Variants in VWA5B1 observed in about 807,000 individuals in gnomAD.
VWA5B1 encodes von Willebrand factor A domain containing 5B1, also known as von Willebrand factor A domain-containing protein 5B1.
In VWA5B1, 115 loss-of-function variants were observed where a neutral mutation model predicts 118.2. The ratio of observed to expected loss-of-function variants is 0.97; its 90% CI spans 0.84 to 1.14. The LOEUF (loss-of-function observed/expected upper bound fraction) is 1.14, where lower values mean the gene tolerates loss of function less well. VWA5B1 is among the 50% of genes most tolerant of loss of function. The pLI is 0.00. For missense variants in VWA5B1, 1,596 were observed against 1,603.8 expected (o/e 1.00, Z 0.08); for synonymous variants, 682 against 658.4 (o/e 1.04, Z -0.55).
chr1:20,331,738 G>C (rs1165217530), intron 11 of VWA5B1, among the ~76,000 whole-genome samples: 1 of 152,080 alleles, frequency 6.6e-6, no homozygotes, highest in East Asian at 1.9e-4. Flanking sequence ...CTTCCAGGGA[G>C]AGAGATGGTC....
intron 5 of VWA5B1, 52 bp downstream of exon 5, chr1:20,317,727 A>G: frequency 1.7e-6 from 2 of 1,162,970 alleles, no homozygotes; most frequent in Non-Finnish European, 2.5e-6. Context: ...GAAAAGCCAA[A>G]GGCTGCCAGG....
chr1:20,343,314 G>A lies in VWA5B1; in HGVS notation c.2547G>A (p.Glu849=). ...CGCAGGATGCCGACCTATGGAGCGA[G>A]ACCTTCCACCACCTGGCGGCCCGCG... ...GGAQDADLWS[E]TFHHLAARAI... is the part of the protein sequence containing the mutation. The change falls in exon 16 of 22, where the codon GAG becomes GAA. Residue 849 remains glutamate, a synonymous_variant. Coordinates refer to ENST00000289815, the MANE Select transcript of VWA5B1 (RefSeq NM_001039500.3). 1 of 1,545,946 alleles carries A rather than the reference G, an allele frequency of 6.5e-7. No homozygotes were observed. The highest frequency in any genetic ancestry group is 1.2e-5 in the South Asian group (1 of 84,020).
chr1:20,323,464 C>T lies in VWA5B1; in HGVS notation c.1075C>T (p.His359Tyr). Reference sequence around the variant, plus strand: ...AGTCCAGCCGTGCCTGAGAAAGGCCCACGGGGAGTTCATCTTCCTCATTGA... The same window carrying T: ...AGTCCAGCCGTGCCTGAGAAAGGCCTACGGGGAGTTCATCTTCCTCATTGA... ...QSVQPCLRKA[H>Y]GEFIFLIDRS... Residue 359 changes from histidine to tyrosine, a missense_variant, in exon 8 of 22, where the codon CAC becomes TAC. Physicochemically the swap from His to Tyr is moderately conservative, Grantham distance 83 (BLOSUM62 2). Coordinates refer to ENST00000289815, the MANE Select transcript of VWA5B1 (RefSeq NM_001039500.3). 6.5e-7 allele frequency: 1 copy of T among 1,534,978 alleles called. No individual in the cohort carries two copies. Among genetic ancestry groups the T allele is most frequent in the Non-Finnish European group, 8.8e-7 (1 of 1,139,454 alleles).
At chr1:20,305,670 T>C (rs969352890) in intron 1 of VWA5B1, among the ~76,000 whole-genome samples, 2 of 151,000 alleles carry the variant, frequency 1.3e-5, no homozygotes, top group Non-Finnish European at 2.9e-5. Context: ...TTTGGAGAGG[T>C]GGGCAGTGGC....
chr1:20,339,350 T>A (rs1055358475), intron 14 of VWA5B1: 7 of 152,214 alleles, frequency 4.6e-5, no homozygotes, highest in Admixed American at 4.6e-4. Context: ...CAGACCAGCC[T>A]GGGCAACATG....
At chr1:20,293,032 C>A (rs1185268735) in intron 1 of VWA5B1, among the ~76,000 whole-genome samples, 1 of 152,200 alleles carries the variant, frequency 6.6e-6, no homozygotes, top group Non-Finnish European at 1.5e-5. Flanking sequence ...ACACAGCTCT[C>A]AGAAGGTGCT....
At chr1:20,320,078 AC>A (rs1326591558) in intron 7 of VWA5B1, among the ~76,000 whole-genome samples, 15 of 152,160 alleles carry the variant, frequency 9.9e-5, no homozygotes, top group African/African-American at 2.6e-4. Flanking sequence ...CACAAGTCAC[AC>A]CCCATGCTCT....
At chr1:20,344,324 TC>T (rs1282386962) in intron 16 of VWA5B1, among the ~76,000 whole-genome samples, 1 of 151,886 alleles carries the variant, frequency 6.6e-6, no homozygotes, top group Non-Finnish European at 1.5e-5. Flanking sequence ...TTCCTCCAAG[TC>T]CCCCAGTCCA....
intron 12 of VWA5B1, among the ~76,000 whole-genome samples, chr1:20,333,384 C>A (rs906578561): frequency 2.0e-5 from 3 of 152,090 alleles, no homozygotes; most frequent in African/African-American, 7.2e-5. Flanking sequence ...GGCTGAGGCA[C>A]GAGAATCACT....
chr1:20,292,109 C>T (rs1465931076), intron 1 of VWA5B1, among the ~76,000 whole-genome samples: 1 of 150,930 alleles, frequency 6.6e-6, no homozygotes, highest in Non-Finnish European at 1.5e-5. Context: ...CTTTTTCTTT[C>T]CCTCTGTCTC....
At position 20,343,392 on chromosome 1, in the gene VWA5B1, G is replaced by C; in HGVS notation, c.2625G>C (p.Gln875His). Reference sequence around the variant, plus strand: ...CGGAGCGCGAGGGCGAGATCGAGCAGGGTGAGCGCCACGGAACTGCGCCCC... The same window carrying C: ...CGGAGCGCGAGGGCGAGATCGAGCACGGTGAGCGCCACGGAACTGCGCCCC... ...QLAEREGEIEQGSNRRYQVSA... is the reference protein window; with the variant it reads ...QLAEREGEIEHGSNRRYQVSA... The change falls in exon 16 of 22, where the codon CAG (glutamine) becomes CAC (histidine). Residue 875 changes from glutamine to histidine, a missense_variant and splice_region_variant. Coordinates refer to ENST00000289815, the MANE Select transcript of VWA5B1 (RefSeq NM_001039500.3). 6.6e-7 allele frequency: 1 copy of C among 1,521,162 alleles called. No individual in the cohort carries two copies. Among genetic ancestry groups the C allele is most frequent in the Non-Finnish European group, 8.8e-7 (1 of 1,136,786 alleles). The allele number at this position is 1,521,162 out of a possible 1,614,324, so 94.2% of individuals were successfully genotyped here.
chr1:20,314,353 C>G lies in VWA5B1; in HGVS notation c.324C>G (p.Ala108=). 2 of 1,551,942 alleles carry G rather than the reference C, an allele frequency of 1.3e-6. No homozygotes were observed. The highest frequency in any genetic ancestry group is 8.7e-7 in the Non-Finnish European group (1 of 1,147,040). ...GNILQDGVSI[A]PHSCTPGKVT... Reference sequence around the variant, plus strand: ...TTCTGCAAGACGGGGTTTCCATAGCCCCTCATTCCTGCACACCGGGAAAGG... The same window carrying G: ...TTCTGCAAGACGGGGTTTCCATAGCGCCTCATTCCTGCACACCGGGAAAGG... Residue 108 remains alanine, a synonymous_variant, in exon 4 of 22, where the codon GCC becomes GCG. Transcript: ENST00000289815.
rs1484885583 is a variant in VWA5B1 at position 20,350,231 on chromosome 1, G to C, written c.2953+1G>C. ...CGCGAGAAGCACGGTGCTTCTGAAG[G>C]TGAGTGGGCAGGTGGCGCTGCCTCT... On this transcript the variant is annotated splice_donor_variant, in intron 19 of 21. Coordinates refer to ENST00000289815, the MANE Select transcript of VWA5B1 (RefSeq NM_001039500.3). LOFTEE classifies it high-confidence loss of function. 1 of 1,550,934 alleles carries C rather than the reference G, an allele frequency of 6.4e-7. No homozygotes were observed. The highest frequency in any genetic ancestry group is 8.7e-7 in the Non-Finnish European group (1 of 1,146,988).
At chr1:20,352,761 C>T (rs189985816) in intron 21 of VWA5B1, among the ~76,000 whole-genome samples, 5 of 152,332 alleles carry the variant, frequency 3.3e-5, no homozygotes, top group Admixed American at 3.3e-4. Context: ...CACTGCATAC[C>T]TCTTCTGTCC....
In VWA5B1 at chr1:20,306,229, C is replaced by G. The variant is rs368075291; in HGVS notation, c.-26-4347C>G. On this transcript the variant is annotated intron_variant, in intron 1 of 21. Transcript: ENST00000289815. Reference sequence around the variant, plus strand: ...CCTTCCTGAGAAGGTGCCACCTGAGCAGACGTGAAGGGGTGAGGGAGCGAG... The same window carrying G: ...CCTTCCTGAGAAGGTGCCACCTGAGGAGACGTGAAGGGGTGAGGGAGCGAG... Among the ~76,000 whole-genome samples, 44 of 152,038 alleles carry G rather than the reference C, an allele frequency of 2.9e-4. 2 individuals are homozygous for G. In the East Asian group the frequency reaches 4.1e-3, roughly 14 times the overall value.
intron 7 of VWA5B1, among the ~76,000 whole-genome samples, chr1:20,321,937 G>T (rs1196197325): frequency 6.6e-6 from 1 of 152,218 alleles, no homozygotes; most frequent in Non-Finnish European, 1.5e-5. Context: ...TGAGGGCACT[G>T]CTTGAGCAAG....
At chr1:20,299,149 TC>T (rs1011251121) in intron 1 of VWA5B1, among the ~76,000 whole-genome samples, 22 of 152,280 alleles carry the variant, frequency 1.4e-4, no homozygotes, top group African/African-American at 5.3e-4. Flanking sequence ...GTGCAAAGTG[TC>T]GGGAACCTCT....
rs924734439 is a variant in VWA5B1 at position 20,323,564 on chromosome 1, C to T, written c.1143+32C>T. 35 of 1,357,432 alleles carry T rather than the reference C, an allele frequency of 2.6e-5. No individual in the cohort carries two copies. In the Admixed American group the frequency reaches 7.2e-4, roughly 28 times the overall value. 84.1% of individuals were successfully genotyped at this position (1,357,432 alleles called of 1,614,324 possible). On this transcript the variant is annotated intron_variant, in intron 8 of 21. Coordinates refer to ENST00000289815, the MANE Select transcript of VWA5B1 (RefSeq NM_001039500.3). ...GCTGAGAGAACCCCTCCCGAGGACC[C>T]GGGGCTCCAGGGGAAATCAGCTGTG...
chr1:20,351,516 G>T (rs1238878682), intron 20 of VWA5B1, among the ~76,000 whole-genome samples: 1 of 152,266 alleles, frequency 6.6e-6, no homozygotes, highest in South Asian at 2.1e-4. Flanking sequence ...GCCAGGCATG[G>T]TCGCATGTGC....
Sources: allele counts gnomAD v4.1 joint callset (sites outside exome capture counted in the v4.1 genomes callset), GRCh38; gene constraint gnomAD v4.1.1; transcripts MANE v1.5; gene names NCBI Gene and HGNC (gene_info 2026-07-23, HGNC 2026-07-21).